DRGX: variants seen among roughly 807,000 people sequenced by gnomAD.
The protein encoded by DRGX is dorsal root ganglia homeobox.
In DRGX, 21 loss-of-function variants were observed where a neutral mutation model predicts 28.6. The observed-to-expected ratio is 0.73, with a 90% confidence interval of 0.52 to 1.06. The LOEUF (loss-of-function observed/expected upper bound fraction) is 1.06. DRGX is among the 50% of genes least tolerant of loss of function. The pLI, the probability that DRGX is intolerant of heterozygous loss-of-function variation, is 0.00. For missense variants in DRGX, 354 were observed against 343.9 expected (o/e 1.03, Z -0.23); for synonymous variants, 136 against 139.1 (o/e 0.98, Z 0.16).
rs553051803 is a variant in DRGX at position 49,389,103 on chromosome 10, C to A, written c.234+1030G>T. 4.6e-5 allele frequency among the ~76,000 whole-genome samples: 7 copies of A among 152,174 alleles called. No individual in the cohort carries two copies. The East Asian group carries it at 1.4e-3, about 29-fold the overall frequency. On this transcript the variant is annotated intron_variant, in intron 4 of 6. Coordinates refer to ENST00000374139, the MANE Select transcript of DRGX (RefSeq NM_001276451.2). Reference sequence around the variant, plus strand: ...AAAGAAAGGATAGACGGTATCCTGGCCAAAGGAGATTTTCATTTCCAAATA... The same window carrying A: ...AAAGAAAGGATAGACGGTATCCTGGACAAAGGAGATTTTCATTTCCAAATA...
At chr10:49,386,415 G>A (rs1393058284) in intron 6 of DRGX, 63 bp downstream of exon 6, 3 of 1,413,614 alleles carry the variant, frequency 2.1e-6, no homozygotes, top group Non-Finnish European at 2.8e-6. Context: ...ACCCAGGCCG[G>A]TCACACAAAC....
chr10:49,384,673 G>A (rs1243352067), intron 6 of DRGX, among the ~76,000 whole-genome samples: 1 of 152,150 alleles, frequency 6.6e-6, no homozygotes, highest in Non-Finnish European at 1.5e-5. Context: ...ACCCCCTCCT[G>A]TCCGCACCAG....
chr10:49,378,583 C>T (rs1408311422), intron 6 of DRGX, among the ~76,000 whole-genome samples: 1 of 152,134 alleles, frequency 6.6e-6, no homozygotes, highest in Non-Finnish European at 1.5e-5. Flanking sequence ...CTCAATAAAG[C>T]TTTAAAAACA....
intron 2 of DRGX, among the ~76,000 whole-genome samples, chr10:49,393,442 T>C (rs970428973): frequency 2.6e-5 from 4 of 152,248 alleles, no homozygotes; most frequent in African/African-American, 9.6e-5. Flanking sequence ...CTTTTCAATG[T>C]ATAAGTTTCT....
chr10:49,367,677 A>G (rs1341954030), intron 6 of DRGX, among the ~76,000 whole-genome samples: 1 of 152,160 alleles, frequency 6.6e-6, no homozygotes, highest in East Asian at 1.9e-4. Flanking sequence ...GGAAAATACG[A>G]AGAGGGAATT....
chr10:49,385,300 C>A (rs1291664192), intron 6 of DRGX, among the ~76,000 whole-genome samples: 2 of 152,160 alleles, frequency 1.3e-5, no homozygotes, highest in Non-Finnish European at 2.9e-5. Flanking sequence ...TCAGAAGCAG[C>A]CCCAGGCTAA....
intron 6 of DRGX, among the ~76,000 whole-genome samples, chr10:49,385,668 G>A (rs1198650585): frequency 6.6e-6 from 1 of 151,990 alleles, no homozygotes; most frequent in African/African-American, 2.4e-5. Flanking sequence ...ACATGCAGGG[G>A]ACACCCTAAG....
At chr10:49,380,837 G>A (rs1391777584) in intron 6 of DRGX, among the ~76,000 whole-genome samples, 1 of 152,218 alleles carries the variant, frequency 6.6e-6, no homozygotes, top group East Asian at 1.9e-4. Flanking sequence ...AGCTGGGCAT[G>A]AGAATGGAGG....
In DRGX at chr10:49,366,058, C is replaced by T. The variant is rs1469230531; in HGVS notation, c.*58G>A. On this transcript the variant is annotated 3_prime_UTR_variant, in exon 7 of 7. Coordinates refer to ENST00000374139, the MANE Select transcript of DRGX (RefSeq NM_001276451.2). ...CTATTTGGAGAGTTTTCTGTAGGGG[C>T]TGAGGCTGGGAGAAGGAGGGGCGGG... The T allele has an allele frequency of 7.4e-6, 11 of 1,485,916 alleles. No homozygotes were observed. In the Admixed American group the frequency reaches 1.4e-4, roughly 18 times the overall value. The allele number at this position is 1,485,916 out of a possible 1,614,324, so 92.0% of individuals were successfully genotyped here.
chr10:49,391,980 C>G (rs553592091), intron 2 of DRGX: 5 of 424,880 alleles, frequency 1.2e-5, no homozygotes, highest in Non-Finnish European at 2.4e-5. Context: ...TCTGGCCAAG[C>G]CTTATAAAGC....
chr10:49,389,449 G>A (rs907206493), intron 4 of DRGX, among the ~76,000 whole-genome samples: 6 of 152,138 alleles, frequency 3.9e-5, no homozygotes, highest in South Asian at 2.1e-4. Context: ...AGAATAGCTC[G>A]CCCAGAGAGG....
At chr10:49,391,338 G>C (rs1015162955) in intron 2 of DRGX, 77 bp from the exon 3 acceptor site, 11 of 1,182,922 alleles carry the variant, frequency 9.3e-6, no homozygotes, top group Non-Finnish European at 1.2e-5. Context: ...AGTTCAGAGG[G>C]CACCCACCTG....
At chr10:49,369,470 CAGTATGCT>C (rs936604609) in intron 6 of DRGX, among the ~76,000 whole-genome samples, 2 of 152,190 alleles carry the variant, frequency 1.3e-5, no homozygotes, top group African/African-American at 4.8e-5. Context: ...ATTATGAAGA[CAGTATGCT>C]AAGTGAAATA....
intron 6 of DRGX, among the ~76,000 whole-genome samples, chr10:49,381,370 G>C (rs1849774342): frequency 6.6e-6 from 1 of 152,202 alleles, no homozygotes; most frequent in Non-Finnish European, 1.5e-5. Context: ...AAAAACGGCT[G>C]CCATCTCCCA....
chr10:49,395,828 G>C, intron 1 of DRGX, 107 bp downstream of exon 1: 1 of 290,282 alleles, frequency 3.4e-6, no homozygotes, highest in Non-Finnish European at 6.6e-6. Flanking sequence ...AGCCAGGTCC[G>C]GCTAGCGCGC....
At chr10:49,368,168 G>A (rs888238783) in intron 6 of DRGX, among the ~76,000 whole-genome samples, 2 of 152,172 alleles carry the variant, frequency 1.3e-5, no homozygotes, top group African/African-American at 4.8e-5. Context: ...TAATGTAGGC[G>A]TGGTTCATCC....
intron 6 of DRGX, among the ~76,000 whole-genome samples, chr10:49,372,116 G>T (rs987909609): frequency 6.6e-6 from 1 of 152,140 alleles, no homozygotes; most frequent in Admixed American, 6.5e-5. Flanking sequence ...GGCGACTGTG[G>T]GTCACAAGAC....
intron 4 of DRGX, among the ~76,000 whole-genome samples, chr10:49,387,939 G>A (rs1474919864): frequency 8.5e-5 from 13 of 152,162 alleles, no homozygotes; most frequent in Non-Finnish European, 1.6e-4. Context: ...CTGTTTGGGG[G>A]TAATAACTGT....
chr10:49,387,854 C>G (rs918872456), intron 4 of DRGX, among the ~76,000 whole-genome samples: 5 of 152,142 alleles, frequency 3.3e-5, no homozygotes, highest in African/African-American at 1.2e-4. Context: ...ATTAACTTGC[C>G]TAAGGCTATC....
Sources: allele counts gnomAD v4.1 joint callset (sites outside exome capture counted in the v4.1 genomes callset), GRCh38; gene constraint gnomAD v4.1.1; transcripts MANE v1.5; gene names NCBI Gene and HGNC (gene_info 2026-07-23, HGNC 2026-07-21).